Variants in SHROOM3 observed in about 807,000 individuals in gnomAD.
SHROOM3 encodes protein Shroom3.
A neutral mutation model predicts 138.6 loss-of-function variants in SHROOM3; 47 were observed. That is an observed-to-expected ratio of 0.34 (90% CI 0.27 to 0.43). The LOEUF (loss-of-function observed/expected upper bound fraction) is 0.43, where lower values mean the gene tolerates loss of function less well. SHROOM3 is among the 20% of genes least tolerant of loss of function. The pLI is 1.00. For missense variants in SHROOM3, 2,491 were observed against 2,596.5 expected (o/e 0.96, Z 0.88); for synonymous variants, 1,062 against 1,063.3 (o/e 1.00, Z 0.02).
At chr4:76,544,709 A>G (rs1343733551) in intron 1 of SHROOM3, among the ~76,000 whole-genome samples, 2 of 152,082 alleles carry the variant, frequency 1.3e-5, no homozygotes, top group South Asian at 2.1e-4. Context: ...TTTATTCTTT[A>G]TATATTGCCT....
intron 2 of SHROOM3, among the ~76,000 whole-genome samples, chr4:76,669,923 T>C (rs572326049): frequency 6.6e-6 from 1 of 152,360 alleles, no homozygotes; most frequent in South Asian, 2.1e-4. Context: ...ACCCACACCA[T>C]ATCTCATAGG....
chr4:76,673,249 T>C (rs2110099063), intron 2 of SHROOM3, among the ~76,000 whole-genome samples: 2 of 152,330 alleles, frequency 1.3e-5, no homozygotes, highest in South Asian at 4.1e-4. Flanking sequence ...GTTAGCTCTA[T>C]GAATCTCTAT....
At chr4:76,667,992 A>G (rs1334687632) in intron 2 of SHROOM3, among the ~76,000 whole-genome samples, 1 of 143,710 alleles carries the variant, frequency 7.0e-6, no homozygotes, top group East Asian at 2.1e-4. Context: ...AAAAAAAAAA[A>G]GTTGTTCTGC....
At chr4:76,708,530 G>A (rs1332697525) in intron 2 of SHROOM3, among the ~76,000 whole-genome samples, 1 of 152,194 alleles carries the variant, frequency 6.6e-6, no homozygotes, top group Non-Finnish European at 1.5e-5. Flanking sequence ...AAGGGGTCCT[G>A]AAAAGGAAAA....
intron 10 of SHROOM3, among the ~76,000 whole-genome samples, chr4:76,777,985 C>T (rs576764407): frequency 2.0e-5 from 3 of 152,074 alleles, no homozygotes; most frequent in Non-Finnish European, 4.4e-5. Context: ...GAAATATGAT[C>T]TCATTGCTAT....
intron 1 of SHROOM3, among the ~76,000 whole-genome samples, chr4:76,456,986 G>A (rs1395703882): frequency 6.6e-6 from 1 of 152,150 alleles, no homozygotes; most frequent in Non-Finnish European, 1.5e-5. Context: ...GATCAGTTAG[G>A]GTGGGGCAGA....
intron 1 of SHROOM3, among the ~76,000 whole-genome samples, chr4:76,468,529 ATGAG>A: frequency 6.6e-6 from 1 of 151,694 alleles, no homozygotes; most frequent in South Asian, 2.1e-4. Flanking sequence ...TTTATAATAA[ATGAG>A]TTTATTTTTA....
intron 1 of SHROOM3, among the ~76,000 whole-genome samples, chr4:76,545,307 G>A (rs1579226194): frequency 6.6e-6 from 1 of 152,196 alleles, no homozygotes; most frequent in Non-Finnish European, 1.5e-5. Flanking sequence ...AGATGCTTCA[G>A]TGAAGCTTGA....
At chr4:76,681,749 G>C (rs1049452659) in intron 2 of SHROOM3, among the ~76,000 whole-genome samples, 5 of 152,056 alleles carry the variant, frequency 3.3e-5, no homozygotes, top group African/African-American at 9.7e-5. Flanking sequence ...GATGGATTAG[G>C]AATCTGTGCC....
intron 1 of SHROOM3, among the ~76,000 whole-genome samples, chr4:76,470,108 C>T (rs1481184097): frequency 6.6e-6 from 1 of 152,110 alleles, no homozygotes; most frequent in Non-Finnish European, 1.5e-5. Flanking sequence ...TTTCTTACAC[C>T]TCTATGAAGT....
chr4:76,755,483 T>C (rs1445609126), intron 7 of SHROOM3, among the ~76,000 whole-genome samples: 2 of 152,142 alleles, frequency 1.3e-5, no homozygotes, highest in African/African-American at 4.8e-5. Context: ...CTGGATGAGT[T>C]CTGAATCAGT....
At chr4:76,442,974 G>A (rs1267853365) in intron 1 of SHROOM3, among the ~76,000 whole-genome samples, 3 of 152,154 alleles carry the variant, frequency 2.0e-5, no homozygotes, top group African/African-American at 7.2e-5. Flanking sequence ...TGTGCACACA[G>A]GTTACTAGAA....
intron 1 of SHROOM3, among the ~76,000 whole-genome samples, chr4:76,552,107 C>T (rs1010736147): frequency 2.7e-5 from 4 of 150,334 alleles, no homozygotes; most frequent in Admixed American, 6.6e-5. Context: ...GTGATCCGCC[C>T]GCCTCGGCCC....
intron 2 of SHROOM3, among the ~76,000 whole-genome samples, chr4:76,604,575 T>C (rs150007531): frequency 2.2e-4 from 33 of 152,048 alleles, no homozygotes; most frequent in African/African-American, 7.5e-4. Flanking sequence ...AAAGTTGGAA[T>C]GCCTTCATTA....
At chr4:76,585,177 C>A (rs1734127260) in intron 2 of SHROOM3, among the ~76,000 whole-genome samples, 1 of 152,182 alleles carries the variant, frequency 6.6e-6, no homozygotes, top group African/African-American at 2.4e-5. Flanking sequence ...AATAATGCCA[C>A]TGTGAATTCA....
chr4:76,645,206 A>G (rs1735786677), intron 2 of SHROOM3: 2 of 152,244 alleles, frequency 1.3e-5, no homozygotes, highest in Admixed American at 1.3e-4. Flanking sequence ...CAATAAAGAT[A>G]AGCCCTACCA....
chr4:76,747,769 T>C (rs1178451923), intron 5 of SHROOM3, among the ~76,000 whole-genome samples: 1 of 152,128 alleles, frequency 6.6e-6, no homozygotes, highest in Non-Finnish European at 1.5e-5. Context: ...GATATTTGAG[T>C]GAATCAGAAC....
At chr4:76,613,573 G>C (rs535010888) in intron 2 of SHROOM3, among the ~76,000 whole-genome samples, 25 of 152,214 alleles carry the variant, frequency 1.6e-4, no homozygotes, top group Non-Finnish European at 2.9e-4. Flanking sequence ...TACTACAGAT[G>C]TGCAGTTCGG....
intron 6 of SHROOM3, among the ~76,000 whole-genome samples, chr4:76,752,598 A>G (rs1473877376): frequency 1.3e-5 from 2 of 152,128 alleles, no homozygotes; most frequent in African/African-American, 4.8e-5. Flanking sequence ...ACTCTATTAT[A>G]AAAGGGACTT....
Sources: allele counts gnomAD v4.1 joint callset (sites outside exome capture counted in the v4.1 genomes callset), GRCh38; gene constraint gnomAD v4.1.1; transcripts MANE v1.5; gene names NCBI Gene and HGNC (gene_info 2026-07-23, HGNC 2026-07-21).